Variants in NUP214 observed in about 807,000 individuals in gnomAD.
NUP214 encodes nuclear pore complex protein Nup214.
A neutral mutation model predicts 196.2 loss-of-function variants in NUP214; 79 were observed. The observed-to-expected ratio is 0.40, with a 90% CI of 0.34 to 0.49. The LOEUF (loss-of-function observed/expected upper bound fraction) is 0.49. Among genes scored for constraint, NUP214 ranks in the 20% least tolerant of loss-of-function variants. The pLI, the probability that NUP214 is intolerant of heterozygous loss-of-function variation, is 0.58. For synonymous variants in NUP214, 1,020 were observed against 990.5 expected (o/e 1.03, Z -0.56); for missense variants, 2,468 against 2,539.0 (o/e 0.97, Z 0.60).
chr9:131,209,674 G>A (rs1318372882), intron 30 of NUP214, among the ~76,000 whole-genome samples: 4 of 152,134 alleles, frequency 2.6e-5, no homozygotes, highest in Admixed American at 6.5e-5. Flanking sequence ...GATTACAGGC[G>A]TGAGCCACTA....
In NUP214 at chr9:131,150,315, C is replaced by T; in HGVS notation, c.2041-9C>T. The T allele has an allele frequency of 1.2e-6, 2 of 1,613,646 alleles. 1 individual carries two copies. The highest frequency in any genetic ancestry group is 4.5e-5 in the East Asian group (2 of 44,868). The stretch of plus-strand genomic sequence containing the variant: ...CTTGCAGTTTTTAAACCTTTTCCTT[C>T]CATTTCAGGCAAAGTCACTTCAGCC... On this transcript the variant is annotated splice_polypyrimidine_tract_variant and intron_variant, in intron 14 of 35. Transcript: ENST00000359428.
In NUP214 at chr9:131,197,777, G is replaced by C; in HGVS notation, c.4283G>C (p.Gly1428Ala). The change falls in exon 29 of 36, where the codon GGT becomes GCT. Residue 1428 changes from glycine (G) to alanine (A), a missense_variant. Physicochemically the swap from Gly to Ala is moderately conservative, Grantham distance 60. Coordinates refer to ENST00000359428, the MANE Select transcript of NUP214 (RefSeq NM_005085.4). ...GGATCCTCTGGGGTCATCAGTTTTG[G>C]TGGGACATCTCTAAGTGCTGGCAAG... is the stretch of plus-strand genomic sequence containing the variant. Reference protein sequence around the residue: ...SAGSSGVISFGGTSLSAGKTS... With the variant: ...SAGSSGVISFAGTSLSAGKTS... 6.2e-7 allele frequency: 1 copy of C among 1,614,160 alleles called. No homozygotes were observed. The highest frequency in any genetic ancestry group is 1.1e-5 in the South Asian group (1 of 91,088).
At position 131,232,178 on chromosome 9, in the gene NUP214, G is replaced by C. The variant is rs766543895; in HGVS notation, c.6215-106G>C. The C allele has an allele frequency of 1.3e-4, 153 of 1,200,254 alleles. 1 individual carries two copies. The highest frequency in any genetic ancestry group is 1.8e-4 in the Non-Finnish European group (147 of 803,424). 74.4% of individuals were successfully genotyped at this position (1,200,254 alleles called of 1,614,324 possible). A position where few individuals can be genotyped will look rare whatever the true frequency, so the allele number is the denominator to read the frequency against. On this transcript the variant is annotated intron_variant, in intron 34 of 35. Transcript: ENST00000359428. This position sits in a 1 kb window ranked among gnomAD's most constrained non-coding sequence, Gnocchi z 5.1. ...TTCCTGTAGGTGGTGGAGGCACGGA[G>C]GGCTTCCCACAAGAAGCACAGAGGA...
At chr9:131,156,289 C>T (rs1388225204) in intron 17 of NUP214, among the ~76,000 whole-genome samples, 19 of 151,938 alleles carry the variant, frequency 1.3e-4, no homozygotes, top group African/African-American at 4.4e-4. Flanking sequence ...CCTGCCACCA[C>T]GCCCGGCTAA....
chr9:131,152,506 AAAT>A (rs1832303601), intron 17 of NUP214, among the ~76,000 whole-genome samples: 1 of 151,326 alleles, frequency 6.6e-6, no homozygotes, highest in African/African-American at 2.4e-5. Flanking sequence ...TAAATAATAA[AAAT>A]AAATAATAAT....
chr9:131,177,902 G>T (rs1487650135), intron 23 of NUP214, among the ~76,000 whole-genome samples: 1 of 152,128 alleles, frequency 6.6e-6, no homozygotes, highest in Non-Finnish European at 1.5e-5. Context: ...CTAACACAGA[G>T]CCTGGCACAT....
chr9:131,169,008 G>A (rs769638701), intron 21 of NUP214, among the ~76,000 whole-genome samples: 26 of 147,796 alleles, frequency 1.8e-4, no homozygotes, highest in Non-Finnish European at 3.3e-4. Context: ...GTCCAATATG[G>A]TATTCTGCTT....
At chr9:131,181,005 A>G (rs78153663) in intron 24 of NUP214, among the ~76,000 whole-genome samples, 137 of 152,314 alleles carry the variant, frequency 9.0e-4, no homozygotes, top group African/African-American at 3.2e-3. Flanking sequence ...TAAGTAAAAT[A>G]TGTAATATAT....
chr9:131,230,784 G>C lies in NUP214; in HGVS notation c.6214+15G>C. 6.2e-7 allele frequency: 1 copy of C among 1,610,388 alleles called. No homozygotes were observed. The highest frequency in any genetic ancestry group is 1.1e-5 in the South Asian group (1 of 90,882). The stretch of plus-strand genomic sequence containing the variant: ...AGGCACAGGAGGTAAGCTGCCACAA[G>C]TTCTCCCCTCACAAGCAAAATGGGT... On this transcript the variant is annotated intron_variant, in intron 34 of 35. Coordinates refer to ENST00000359428, the MANE Select transcript of NUP214 (RefSeq NM_005085.4).
intron 12 of NUP214, among the ~76,000 whole-genome samples, chr9:131,145,680 A>C (rs1832068061): frequency 1.3e-5 from 2 of 152,156 alleles, no homozygotes; most frequent in African/African-American, 2.4e-5. Flanking sequence ...TAAGTATCCC[A>C]AAGACAGTTC....
In NUP214 at chr9:131,198,563, C is replaced by G; in HGVS notation, c.5069C>G (p.Thr1690Ser). 1 of 1,614,232 alleles carries G rather than the reference C, an allele frequency of 6.2e-7. No individual in the cohort carries two copies. Among genetic ancestry groups the G allele is most frequent in the Non-Finnish European group, 8.5e-7 (1 of 1,180,032 alleles). Residue 1690 changes from threonine (T) to serine (S), a missense_variant, in exon 29 of 36, where the codon ACT becomes AGT. By Grantham distance (58) the Thr-to-Ser change is moderately conservative (BLOSUM62 1). Transcript: ENST00000359428. ...GCACCAAGTCTGTTTGGGCAGCAGACTGGTAGCACAGCCAGCACAGCAGCT... is the reference window on the plus strand; with the variant it reads ...GCACCAAGTCTGTTTGGGCAGCAGAGTGGTAGCACAGCCAGCACAGCAGCT... ...STAPSLFGQQ[T>S]GSTASTAAAT...
At chr9:131,170,132 C>T (rs1832912890) in intron 21 of NUP214, among the ~76,000 whole-genome samples, 1 of 152,026 alleles carries the variant, frequency 6.6e-6, no homozygotes, top group Non-Finnish European at 1.5e-5. Flanking sequence ...GAACTGTACA[C>T]TTTAAAATGT....
intron 24 of NUP214, among the ~76,000 whole-genome samples, chr9:131,181,174 T>C (rs555714092): frequency 6.6e-6 from 1 of 152,154 alleles, no homozygotes; most frequent in Non-Finnish European, 1.5e-5. Flanking sequence ...GCAGGTCTCA[T>C]TAATATCTCG....
intron 18 of NUP214, among the ~76,000 whole-genome samples, chr9:131,160,067 C>T (rs979752862): frequency 3.3e-5 from 5 of 151,982 alleles, no homozygotes; most frequent in Admixed American, 1.3e-4. Context: ...TAAATATGGT[C>T]GCTTTTTTTC....
intron 33 of NUP214, chr9:131,229,503 T>G (rs1319100753): frequency 2.9e-6 from 1 of 341,428 alleles, no homozygotes. Flanking sequence ...TGAATTGATT[T>G]ATTTATTTGA....
In NUP214 at chr9:131,133,009, T is replaced by A. The variant is rs1346825130; in HGVS notation, c.728-97T>A. The A allele has an allele frequency of 5.5e-6, 5 of 914,924 alleles. No individual in the cohort carries two copies. In the Admixed American group the frequency reaches 1.0e-4, roughly 19 times the overall value. 56.7% of individuals were successfully genotyped at this position (914,924 alleles called of 1,614,324 possible). A position where few individuals can be genotyped will look rare whatever the true frequency, so the allele number is the denominator to read the frequency against. Reference sequence around the variant, plus strand: ...CAATGAAATCAGGGCCTTTGATTTTTTTTTTATCCATAGTGGCTATTCCAA... The same window carrying A: ...CAATGAAATCAGGGCCTTTGATTTTATTTTTATCCATAGTGGCTATTCCAA... On this transcript the variant is annotated intron_variant, in intron 6 of 35. Transcript: ENST00000359428.
chr9:131,141,433 T>G (rs1173144128), intron 11 of NUP214, among the ~76,000 whole-genome samples: 1 of 151,644 alleles, frequency 6.6e-6, no homozygotes, highest in East Asian at 1.9e-4. Flanking sequence ...TAGTCTGTAT[T>G]TAAACAATTT....
intron 25 of NUP214, among the ~76,000 whole-genome samples, chr9:131,188,725 CATTA>C (rs1047026769): frequency 1.5e-4 from 23 of 152,304 alleles, no homozygotes; most frequent in African/African-American, 5.3e-4. Context: ...TTTACTCCTT[CATTA>C]ATTCATCTAC....
chr9:131,174,437 TTTTTTTTTTCTTTTTTTC>T lies in NUP214; in HGVS notation c.3157+129_3157+146del, dbSNP rs1295594431. 343 of 834,778 alleles carry T rather than the reference TTTTTTTTTTCTTTTTTTC, an allele frequency of 4.1e-4. 4 individuals are homozygous for T. The African/African-American group carries it at 6.5e-3, about 16-fold the overall frequency. The allele number at this position is 834,778 out of a possible 1,614,324, so 51.7% of individuals were successfully genotyped here. On this transcript the variant is annotated intron_variant, in intron 22 of 35. Transcript: ENST00000359428. ...TGGTGGTTGGCTCCAGCCCACTTTT[TTTTTTTTTTCTTTTTTTC>T]TTTTTTTTTTTGAGGTGGAGTCTCA...
Sources: allele counts gnomAD v4.1 joint callset (sites outside exome capture counted in the v4.1 genomes callset), GRCh38; gene constraint gnomAD v4.1.1; non-coding constraint Gnocchi (gnomAD v3.1); transcripts MANE v1.5; gene names NCBI Gene and HGNC (gene_info 2026-07-23, HGNC 2026-07-21).